KANSL1: variants seen among roughly 807,000 people sequenced by gnomAD.
The protein encoded by KANSL1 is MLL1/MLL complex subunit KANSL1.
In KANSL1, 22 loss-of-function variants were observed where a neutral mutation model predicts 103.6. The ratio of observed to expected loss-of-function variants is 0.21; its 90% CI spans 0.15 to 0.30. The LOEUF is 0.30. KANSL1 is among the 10% of genes least tolerant of loss of function. The pLI, the probability that KANSL1 is intolerant of heterozygous loss-of-function variation, is 1.00. For synonymous variants in KANSL1, 600 were observed against 527.6 expected, an observed-to-expected ratio of 1.14 and a Z score of -1.88; for missense variants, 1,337 against 1,399.8, an observed-to-expected ratio of 0.96 and a Z score of 0.72.
intron 3 of KANSL1, chr17:46,093,533 G>A (rs1245698980): frequency 1.3e-5 from 2 of 152,422 alleles, no homozygotes; most frequent in Non-Finnish European, 2.9e-5. Flanking sequence ...CTATAAGTCC[G>A]CAGTGACATT....
At chr17:46,222,701 A>G (rs147642589) in intron 1 of KANSL1, 19,698 of 151,984 alleles carry the variant, frequency 0.13, 2 homozygotes, top group Middle Eastern at 0.2. Context: ...CTCTGCATCA[A>G]TCTGGAAGTC....
At chr17:46,190,141 G>A (rs1282372206) in intron 1 of KANSL1, among the ~76,000 whole-genome samples, 3 of 152,164 alleles carry the variant, frequency 2.0e-5, no homozygotes, top group South Asian at 2.1e-4. Flanking sequence ...TACAGAAGAC[G>A]CAGAGACACT....
In KANSL1 at chr17:46,129,642, G is replaced by T. The variant is rs566422295; in HGVS notation, c.1290-34941C>A. 4.6e-5 allele frequency among the ~76,000 whole-genome samples: 7 copies of T among 152,274 alleles called. No individual in the cohort carries two copies. The East Asian group carries it at 9.7e-4, about 21-fold the overall frequency. On this transcript the variant is annotated intron_variant, in intron 2 of 14. Transcript: ENST00000432791. ...TTAAAACACAGACAAAATATATTTA[G>T]CAAGCAAAGTCTGTTAAAGGGAAGA...
chr17:46,140,578 A>G (rs112231543), intron 2 of KANSL1, among the ~76,000 whole-genome samples: 107 of 152,338 alleles, frequency 7.0e-4, no homozygotes, highest in African/African-American at 2.5e-3. Flanking sequence ...ACTTCTGTAA[A>G]TAATAATCAA....
chr17:46,085,165 T>C (rs1445208656), intron 3 of KANSL1, among the ~76,000 whole-genome samples: 7 of 152,322 alleles, frequency 4.6e-5, no homozygotes, highest in Non-Finnish European at 1.0e-4. Flanking sequence ...TGTGAAGCTG[T>C]TGCTGCTGCT....
At chr17:46,207,900 C>G (rs1486993163) in intron 1 of KANSL1, among the ~76,000 whole-genome samples, 2 of 152,148 alleles carry the variant, frequency 1.3e-5, no homozygotes, top group Non-Finnish European at 2.9e-5. Flanking sequence ...CACCTGATGT[C>G]AAGAGTTTGA....
chr17:46,162,841 T>G (rs1303641844), intron 2 of KANSL1, among the ~76,000 whole-genome samples: 1 of 152,258 alleles, frequency 6.6e-6, no homozygotes, highest in East Asian at 1.9e-4. Flanking sequence ...TGGTCTCATT[T>G]CTCACTACTT....
chr17:46,169,764 T>G (rs2046186399), intron 2 of KANSL1, among the ~76,000 whole-genome samples: 1 of 152,224 alleles, frequency 6.6e-6, no homozygotes, highest in Non-Finnish European at 1.5e-5. Flanking sequence ...TTTATTTAAT[T>G]AAGTACATAG....
intron 2 of KANSL1, among the ~76,000 whole-genome samples, chr17:46,144,918 A>G (rs1209595400): frequency 6.6e-6 from 1 of 152,200 alleles, no homozygotes; most frequent in Non-Finnish European, 1.5e-5. Flanking sequence ...ATGCCACACA[A>G]TAGATTATAA....
chr17:46,194,800 C>T (rs376528770), upstream of KANSL1, among the ~76,000 whole-genome samples: 34 of 152,302 alleles, frequency 2.2e-4, no homozygotes, highest in Non-Finnish European at 2.8e-4. Flanking sequence ...TTCTGCTTAT[C>T]AAAAAACACC....
intron 8 of KANSL1, 82 bp downstream of exon 8, chr17:46,039,620 A>T: frequency 6.7e-7 from 1 of 1,482,572 alleles, no homozygotes; most frequent in Non-Finnish European, 9.1e-7. Flanking sequence ...CCCAACATGC[A>T]TGCAAACTAC....
In KANSL1 at chr17:46,066,666, C is replaced by T. The variant is rs1317516236; in HGVS notation, c.1719G>A (p.Lys573=). The T allele has an allele frequency of 6.2e-7, 1 of 1,614,088 alleles. No homozygotes were observed. The highest frequency in any genetic ancestry group is 8.5e-7 in the Non-Finnish European group (1 of 1,180,042). Reference sequence around the variant, plus strand: ...AAGAGACGAGATTCAGTCGTTGCTTCTTATGTAATTGTTCCTCAGCATCAG... The same window carrying T: ...AAGAGACGAGATTCAGTCGTTGCTTTTTATGTAATTGTTCCTCAGCATCAG... ...DSSDAEEQLH[K]KQRLNLVSSS... is the part of the protein sequence containing the mutation. The change falls in exon 6 of 15, where the codon AAG becomes AAA. Residue 573 remains lysine (K), a synonymous_variant. Transcript: ENST00000432791.
chr17:46,145,441 C>A (rs776665962), intron 2 of KANSL1, among the ~76,000 whole-genome samples: 1 of 152,212 alleles, frequency 6.6e-6, no homozygotes, highest in African/African-American at 2.4e-5. Flanking sequence ...ATTCCCCAAA[C>A]CTTAATCAAG....
Position 46,058,733 on chromosome 17 carries a change from ACACACACACACTCTCT to A in KANSL1, c.1848+7788_1848+7803del, listed in dbSNP as rs1319650308. On this transcript the variant is annotated intron_variant, in intron 6 of 14. Transcript: ENST00000432791. ...AAAACACACACACACACACACACAC[ACACACACACACTCTCT>A]CTCTCTCTCTCTCTCTCTCTCTCTC... 3.5e-3 allele frequency among the ~76,000 whole-genome samples: 212 copies of A among 61,264 alleles called. 1 individual carries two copies. Among genetic ancestry groups the A allele is most frequent in the East Asian group, 0.014 (54 of 3,956 alleles). The allele number at this position is 61,264 out of a possible 152,430, so 40.2% of individuals were successfully genotyped here.
intron 4 of KANSL1, among the ~76,000 whole-genome samples, chr17:46,078,719 C>A (rs1250481539): frequency 6.6e-6 from 1 of 152,202 alleles, no homozygotes; most frequent in African/African-American, 2.4e-5. Context: ...CAAGCTTGCC[C>A]TTCTTTGCTC....
At chr17:46,174,837 C>A (rs1391162250) in intron 1 of KANSL1, among the ~76,000 whole-genome samples, 1 of 152,190 alleles carries the variant, frequency 6.6e-6, no homozygotes, top group Admixed American at 6.5e-5. Flanking sequence ...CCATGCCCGG[C>A]TAATTTTTTG....
At chr17:46,181,757 A>C (rs2046805482) in intron 1 of KANSL1, among the ~76,000 whole-genome samples, 1 of 152,186 alleles carries the variant, frequency 6.6e-6, no homozygotes, top group African/African-American at 2.4e-5. Context: ...ATGAGTTCAA[A>C]TTCTTCAAGA....
intron 1 of KANSL1, among the ~76,000 whole-genome samples, chr17:46,210,377 G>A (rs2148018274): frequency 6.6e-6 from 1 of 151,902 alleles, no homozygotes; most frequent in Middle Eastern, 3.4e-3. Flanking sequence ...GGAGGCTGAG[G>A]CAGGAGAAAC....
intron 6 of KANSL1, among the ~76,000 whole-genome samples, chr17:46,051,228 G>A (rs2077701955): frequency 6.6e-6 from 1 of 152,152 alleles, no homozygotes; most frequent in Non-Finnish European, 1.5e-5. Context: ...AAGCCAGGTG[G>A]CAAGCTTCCC....
Sources: gnomAD v4.1 joint callset for allele counts (sites outside exome capture counted in the v4.1 genomes callset) on GRCh38, gnomAD v4.1.1 for gene constraint, MANE v1.5 for transcripts, NCBI Gene and HGNC (gene_info 2026-07-23, HGNC 2026-07-21) for gene names.